RBFOX1: variants seen among roughly 807,000 people sequenced by gnomAD.
RBFOX1 encodes RNA binding protein fox-1 homolog 1.
Under a neutral mutation model 57.7 loss-of-function variants are expected in RBFOX1, and 8 were observed. The observed-to-expected ratio is 0.14, with a 90% CI of 0.08 to 0.25. The LOEUF (loss-of-function observed/expected upper bound fraction) is 0.25. Ranked by LOEUF, RBFOX1 falls within the 10% of genes least tolerant of loss-of-function variation. The pLI is 1.00. For synonymous variants in RBFOX1, 326 were observed against 222.4 expected (o/e 1.47, Z -4.15); for missense variants, 611 against 548.5 (o/e 1.11, Z -1.14).
At position 6,868,157 on chromosome 16, in the gene RBFOX1, C is replaced by G. The variant is rs7194047; in HGVS notation, c.-15-183900C>G. ...CATTTGAAATTAGCAAATAATTATTCCTATATTTTTTTTCATTGAAGTCTT... is the reference window on the plus strand; with the variant it reads ...CATTTGAAATTAGCAAATAATTATTGCTATATTTTTTTTCATTGAAGTCTT... On this transcript the variant is annotated intron_variant, in intron 3 of 15. Transcript: ENST00000550418. Among the ~76,000 whole-genome samples, 842 of 152,218 alleles carry G rather than the reference C, an allele frequency of 5.5e-3. 16 individuals carry two copies. The highest frequency in any genetic ancestry group is 0.019 in the African/African-American group (805 of 41,548).
intron 2 of RBFOX1, among the ~76,000 whole-genome samples, chr16:5,475,896 C>G (rs2069304322): frequency 6.6e-6 from 1 of 152,204 alleles, no homozygotes; most frequent in Non-Finnish European, 1.5e-5. Flanking sequence ...GTCTCAAACT[C>G]CTGTGTGCAA....
chr16:7,450,800 C>T (rs965772128), intron 4 of RBFOX1, among the ~76,000 whole-genome samples: 1 of 152,046 alleles, frequency 6.6e-6, no homozygotes, highest in Non-Finnish European at 1.5e-5. Flanking sequence ...TGAAGAGGCT[C>T]AATGACAGCA....
intron 1 of RBFOX1, among the ~76,000 whole-genome samples, chr16:6,124,898 A>G (rs1458010258): frequency 6.6e-6 from 1 of 152,190 alleles, no homozygotes. Flanking sequence ...TTAACCATCT[A>G]CAACCAGCCT....
At chr16:7,562,262 T>C (rs770594144) in intron 5 of RBFOX1, among the ~76,000 whole-genome samples, 36 of 152,152 alleles carry the variant, frequency 2.4e-4, no homozygotes, top group Non-Finnish European at 5.0e-4. Flanking sequence ...GCCTTGCTGG[T>C]GTCGTCCAAA....
chr16:5,313,163 G>T (rs1179123816), intron 1 of RBFOX1, among the ~76,000 whole-genome samples: 1 of 152,180 alleles, frequency 6.6e-6, no homozygotes, highest in African/African-American at 2.4e-5. Flanking sequence ...GAAAGCCCGG[G>T]CAGGGATGCT....
chr16:7,202,142 A>AG (rs139518177), intron 4 of RBFOX1, among the ~76,000 whole-genome samples: 6,826 of 152,246 alleles, frequency 0.045, 493 homozygotes, highest in African/African-American at 0.16. Context: ...CTTGATTAAA[A>AG]TGGTTAAAGG....
intron 3 of RBFOX1, among the ~76,000 whole-genome samples, chr16:6,875,840 A>C (rs543500361): frequency 6.6e-6 from 1 of 151,972 alleles, no homozygotes; most frequent in East Asian, 1.9e-4. Context: ...CCTCATCTCT[A>C]CAAAAAAATT....
intron 1 of RBFOX1, among the ~76,000 whole-genome samples, chr16:5,380,726 T>C (rs1436527081): frequency 1.3e-5 from 2 of 152,210 alleles, no homozygotes; most frequent in Non-Finnish European, 2.9e-5. Flanking sequence ...GACACACGTC[T>C]AGTAAGGGAT....
intron 3 of RBFOX1, among the ~76,000 whole-genome samples, chr16:7,013,603 C>G (rs576500790): frequency 9.8e-5 from 15 of 152,304 alleles, no homozygotes; most frequent in African/African-American, 3.6e-4. Flanking sequence ...AACACAACTA[C>G]TAATGTTATA....
chr16:6,240,307 A>T lies in RBFOX1; in HGVS notation c.-126-76688A>T, dbSNP rs76233028. ...CAAGAGTGGCCTAACACGGTGTCCT[A>T]TATGGGGACTAATTGTCTCCAAGGT... On this transcript the variant is annotated intron_variant, in intron 1 of 15. Coordinates refer to ENST00000550418, the MANE Select transcript of RBFOX1 (RefSeq NM_018723.4). 4.6e-5 allele frequency among the ~76,000 whole-genome samples: 7 copies of T among 152,158 alleles called. No individual in the cohort carries two copies. In the East Asian group the frequency reaches 9.6e-4, roughly 21 times the overall value.
intron 2 of RBFOX1, among the ~76,000 whole-genome samples, chr16:5,477,754 A>G (rs2069382120): frequency 6.6e-6 from 1 of 152,132 alleles, no homozygotes; most frequent in Admixed American, 6.5e-5. Context: ...TGGGTGCTTT[A>G]TAGCTTTCTG....
At position 7,523,451 on chromosome 16, in the gene RBFOX1, C is replaced by G. The variant is rs2077961781; in HGVS notation, c.270+5062C>G. ...GGCAGCATCATCAAAGGAAGGATTC[C>G]TGAACTTGGGCAAACATGTCAGAAA... is the stretch of plus-strand genomic sequence containing the variant. On this transcript the variant is annotated intron_variant, in intron 5 of 15. Transcript: ENST00000550418. Among the ~76,000 whole-genome samples the G allele has an allele frequency of 1.3e-5, 2 of 152,160 alleles. 1 individual carries two copies. Among genetic ancestry groups the G allele is most frequent in the Admixed American group, 1.3e-4 (2 of 15,278 alleles).
At chr16:6,196,851 C>T (rs1045516618) in intron 1 of RBFOX1, among the ~76,000 whole-genome samples, 1 of 151,318 alleles carries the variant, frequency 6.6e-6, no homozygotes, top group African/African-American at 2.4e-5. Context: ...CCTACTCCGT[C>T]CTGTCTTTTA....
chr16:7,574,850 TCTC>T (rs1221618529), intron 5 of RBFOX1, among the ~76,000 whole-genome samples: 1 of 152,120 alleles, frequency 6.6e-6, no homozygotes, highest in Non-Finnish European at 1.5e-5. Context: ...CATTCCTCCT[TCTC>T]CTAGACCTGC....
chr16:5,405,892 A>T (rs2066851647), intron 1 of RBFOX1, among the ~76,000 whole-genome samples: 1 of 152,092 alleles, frequency 6.6e-6, no homozygotes. Flanking sequence ...GATCCAAGTC[A>T]TCTCCCCACA....
intron 4 of RBFOX1, among the ~76,000 whole-genome samples, chr16:5,908,468 T>G (rs1031113210): frequency 6.6e-6 from 1 of 151,752 alleles, no homozygotes; most frequent in African/African-American, 2.4e-5. Flanking sequence ...TTCTTCTGCC[T>G]CAGCTTCCCA....
intron 2 of RBFOX1, among the ~76,000 whole-genome samples, chr16:6,591,273 C>G (rs1361661074): frequency 6.6e-6 from 1 of 152,112 alleles, no homozygotes; most frequent in Non-Finnish European, 1.5e-5. Flanking sequence ...TGATGAAACA[C>G]CACCTCTACT....
At chr16:6,351,500 A>G (rs1053413098) in intron 2 of RBFOX1, among the ~76,000 whole-genome samples, 5 of 151,080 alleles carry the variant, frequency 3.3e-5, no homozygotes, top group African/African-American at 9.7e-5. Context: ...CAGCCTCCCA[A>G]GCAGCTGGGA....
At chr16:7,531,680 G>C (rs1365250889) in intron 5 of RBFOX1, among the ~76,000 whole-genome samples, 2 of 152,172 alleles carry the variant, frequency 1.3e-5, no homozygotes, top group African/African-American at 4.8e-5. Flanking sequence ...CTGAGGCACA[G>C]GTATGAAGCA....
Sources: allele counts gnomAD v4.1 joint callset (sites outside exome capture counted in the v4.1 genomes callset), GRCh38; gene constraint gnomAD v4.1.1; transcripts MANE v1.5; gene names NCBI Gene and HGNC (gene_info 2026-07-23, HGNC 2026-07-21).